The following CFAP77 variants were observed in gnomAD, a reference collection of about 807,000 sequenced individuals.
CFAP77 encodes the protein cilia- and flagella-associated protein 77.
CFAP77 carries 25 observed loss-of-function variants against 31.1 expected under a neutral mutation model. The ratio of observed to expected loss-of-function variants is 0.80; its 90% CI spans 0.59 to 1.12. CFAP77 has a LOEUF of 1.12. Ranked by LOEUF, CFAP77 falls within the 50% of genes most tolerant of loss-of-function variation. The pLI is 0.00. For missense variants in CFAP77, 377 were observed against 397.3 expected, an observed-to-expected ratio of 0.95 and a Z score of 0.44; for synonymous variants, 151 against 159.9, an observed-to-expected ratio of 0.94 and a Z score of 0.42.
chr9:132,496,180 G>T (rs575168618), intron 1 of CFAP77, among the ~76,000 whole-genome samples: 1 of 152,072 alleles, frequency 6.6e-6, no homozygotes, highest in Admixed American at 6.5e-5. Context: ...ACCTAAAACT[G>T]CTGTAAAATA....
chr9:132,536,941 A>G (rs1261270809), intron 3 of CFAP77, among the ~76,000 whole-genome samples: 1 of 152,122 alleles, frequency 6.6e-6, no homozygotes, highest in Non-Finnish European at 1.5e-5. Flanking sequence ...CAAAATGCCT[A>G]GGGTAAGTGC....
At chr9:132,486,018 A>ATATATATGTATG (rs1851537254) in intron 1 of CFAP77, among the ~76,000 whole-genome samples, 6 of 37,560 alleles carry the variant, frequency 1.6e-4, no homozygotes, top group Non-Finnish European at 2.1e-4. Context: ...ATATATATAT[A>ATATATATGTATG]TATATATATA....
intron 1 of CFAP77, among the ~76,000 whole-genome samples, chr9:132,486,663 T>C (rs1478294964): frequency 6.6e-6 from 1 of 152,278 alleles, no homozygotes; most frequent in Non-Finnish European, 1.5e-5. Context: ...AACATGCTGT[T>C]GAGTTACCGG....
intron 3 of CFAP77, among the ~76,000 whole-genome samples, chr9:132,525,270 T>C (rs959577772): frequency 3.3e-5 from 5 of 152,230 alleles, no homozygotes; most frequent in Non-Finnish European, 7.3e-5. Flanking sequence ...TCCACCCGCG[T>C]TGGCCTCCTA....
At chr9:132,529,806 C>A (rs1430479917) in intron 3 of CFAP77, among the ~76,000 whole-genome samples, 1 of 146,224 alleles carries the variant, frequency 6.8e-6, no homozygotes, top group Admixed American at 6.9e-5. Context: ...AGCCTGGCAA[C>A]AGACCAAGAC....
In CFAP77 at chr9:132,572,611, C is replaced by A; in HGVS notation, c.*101C>A. 8.2e-7 allele frequency: 1 copy of A among 1,221,004 alleles called. No individual in the cohort carries two copies. Among genetic ancestry groups the A allele is most frequent in the Non-Finnish European group, 1.1e-6 (1 of 886,650 alleles). The allele number at this position is 1,221,004 out of a possible 1,614,324, so 75.6% of individuals were successfully genotyped here. ...ACCCTGACATTCCCCCATTTTTATG[C>A]AGGTTCTGCTTCAAGGAGCTCAGAT... is the stretch of plus-strand genomic sequence containing the variant. On this transcript the variant is annotated 3_prime_UTR_variant, in exon 6 of 6. Transcript: ENST00000393216.
intron 1 of CFAP77, among the ~76,000 whole-genome samples, chr9:132,444,825 G>A (rs189777492): frequency 1.6e-4 from 24 of 152,084 alleles, no homozygotes; most frequent in African/African-American, 3.1e-4. Context: ...ATGCTGAACC[G>A]CATTAGATAC....
intron 5 of CFAP77, among the ~76,000 whole-genome samples, chr9:132,560,163 T>A (rs1287000589): frequency 1.3e-5 from 2 of 152,224 alleles, no homozygotes; most frequent in Non-Finnish European, 2.9e-5. Flanking sequence ...ATGTGAATTA[T>A]ATCTCAATAA....
chr9:132,471,178 T>C lies in CFAP77; in HGVS notation c.196-27517T>C, dbSNP rs534966933. ...GTTCAGAGAAGCAGTTAGAGCAATG[T>C]AATCAGTTGGGAGAACCACAGACCT... On this transcript the variant is annotated intron_variant, in intron 1 of 5. Coordinates refer to ENST00000393216, the MANE Select transcript of CFAP77 (RefSeq NM_001282957.2). Among the ~76,000 whole-genome samples, 31 of 152,258 alleles carry C rather than the reference T, an allele frequency of 2.0e-4. 1 individual carries two copies. In the South Asian group the frequency reaches 6.0e-3, roughly 30 times the overall value.
At chr9:132,561,105 G>A (rs1454947042) in intron 5 of CFAP77, among the ~76,000 whole-genome samples, 1 of 152,112 alleles carries the variant, frequency 6.6e-6, no homozygotes, top group South Asian at 2.1e-4. Context: ...GCTCTCCCAC[G>A]ATGTCCTACA....
At chr9:132,470,784 G>A (rs1403109959) in intron 1 of CFAP77, among the ~76,000 whole-genome samples, 1 of 152,170 alleles carries the variant, frequency 6.6e-6, no homozygotes, top group Non-Finnish European at 1.5e-5. Context: ...CAAGGTGGGT[G>A]GATCACTTGA....
intron 3 of CFAP77, among the ~76,000 whole-genome samples, chr9:132,500,164 A>C (rs1174086455): frequency 1.3e-5 from 2 of 151,866 alleles, no homozygotes; most frequent in Non-Finnish European, 2.9e-5. Context: ...AAAAAAAAAA[A>C]AAAAAACCTG....
intron 5 of CFAP77, among the ~76,000 whole-genome samples, chr9:132,553,231 C>A (rs995142272): frequency 6.6e-6 from 1 of 152,176 alleles, no homozygotes; most frequent in African/African-American, 2.4e-5. Flanking sequence ...CCCACCCTCA[C>A]GATCCCATTT....
intron 1 of CFAP77, among the ~76,000 whole-genome samples, chr9:132,437,108 A>G (rs937114787): frequency 6.6e-6 from 1 of 152,116 alleles, no homozygotes; most frequent in Non-Finnish European, 1.5e-5. Flanking sequence ...ATGTGCATGT[A>G]ATACTATTCA....
intron 3 of CFAP77, among the ~76,000 whole-genome samples, chr9:132,500,096 G>A (rs1851816925): frequency 6.7e-6 from 1 of 149,448 alleles, no homozygotes; most frequent in African/African-American, 2.5e-5. Context: ...AGGCTGCAGT[G>A]AACAGTGATC....
chr9:132,437,235 T>C (rs575141160), intron 1 of CFAP77, among the ~76,000 whole-genome samples: 16 of 152,362 alleles, frequency 1.1e-4, no homozygotes, highest in East Asian at 1.9e-4. Context: ...GTTGATACAC[T>C]GTGAGTGTGT....
intron 3 of CFAP77, among the ~76,000 whole-genome samples, chr9:132,519,683 A>ATGT (rs1852229257): frequency 7.0e-5 from 1 of 14,290 alleles, no homozygotes; most frequent in Non-Finnish European, 1.3e-4. Flanking sequence ...TGGATGGATG[A>ATGT]GTGGGTGGGT....
intron 1 of CFAP77, among the ~76,000 whole-genome samples, chr9:132,470,448 G>A (rs1851235709): frequency 1.3e-5 from 2 of 152,186 alleles, no homozygotes; most frequent in African/African-American, 2.4e-5. Flanking sequence ...AGTGGCTACC[G>A]AGGTGGTGGT....
intron 1 of CFAP77, among the ~76,000 whole-genome samples, chr9:132,463,208 C>T (rs577245095): frequency 2.0e-4 from 30 of 152,256 alleles, no homozygotes; most frequent in Admixed American, 1.6e-3. Flanking sequence ...CACTTTTCAG[C>T]ACCAATGACA....
Sources: allele counts gnomAD v4.1 joint callset (sites outside exome capture counted in the v4.1 genomes callset), GRCh38; gene constraint gnomAD v4.1.1; transcripts MANE v1.5; gene names NCBI Gene and HGNC (gene_info 2026-07-23, HGNC 2026-07-21).